The following HNRNPC variants were observed in gnomAD, a reference collection of about 807,000 sequenced individuals.
HNRNPC encodes heterogeneous nuclear ribonucleoproteins C1/C2.
In HNRNPC, 3 loss-of-function variants were observed where a neutral mutation model predicts 33.2. The ratio of observed to expected loss-of-function variants is 0.09; its 90% CI spans 0.04 to 0.23. HNRNPC has a LOEUF of 0.23. Ranked by LOEUF, HNRNPC falls within the 10% of genes least tolerant of loss-of-function variation. HNRNPC has a pLI of 1.00. For missense variants in HNRNPC, 143 were observed against 366.7 expected, an observed-to-expected ratio of 0.39 and a Z score of 4.98; for synonymous variants, 121 against 126.7, an observed-to-expected ratio of 0.96 and a Z score of 0.30.
chr14:21,267,353 T>C (rs754615221), intron 1 of HNRNPC, among the ~76,000 whole-genome samples: 4 of 152,192 alleles, frequency 2.6e-5, no homozygotes, highest in Non-Finnish European at 5.9e-5. Flanking sequence ...ATTTGCCCCT[T>C]AGTCTTTAAA....
chr14:21,236,707 A>C (rs1037533352), intron 2 of HNRNPC, among the ~76,000 whole-genome samples: 7 of 152,216 alleles, frequency 4.6e-5, no homozygotes, highest in Non-Finnish European at 7.3e-5. Context: ...ATTTTAAAGT[A>C]TCATACAGGT....
At chr14:21,249,510 C>G (rs1403481898) in intron 2 of HNRNPC, among the ~76,000 whole-genome samples, 2 of 147,012 alleles carry the variant, frequency 1.4e-5, no homozygotes, top group African/African-American at 5.1e-5. Flanking sequence ...TTGCTTGAAC[C>G]GGGAAGCAGA....
intron 1 of HNRNPC, among the ~76,000 whole-genome samples, chr14:21,266,292 G>A (rs540834348): frequency 7.9e-4 from 120 of 152,036 alleles, no homozygotes; most frequent in African/African-American, 2.7e-3. Flanking sequence ...TAGAGATGGG[G>A]GTTTCACCAT....
At chr14:21,228,723 C>G (rs965005952) in intron 5 of HNRNPC, among the ~76,000 whole-genome samples, 2 of 151,372 alleles carry the variant, frequency 1.3e-5, no homozygotes, top group African/African-American at 4.9e-5. Context: ...TCAAAAATTT[C>G]AACAAAAATA....
intron 2 of HNRNPC, 117 bp from the exon 3 acceptor site, chr14:21,234,346 A>T: frequency 1.2e-6 from 1 of 813,868 alleles, no homozygotes. Flanking sequence ...TAGGCAACTT[A>T]AAGGGACTCA....
intron 2 of HNRNPC, among the ~76,000 whole-genome samples, chr14:21,239,998 T>A (rs1435986562): frequency 1.3e-5 from 2 of 152,238 alleles, no homozygotes. Flanking sequence ...TATTCCTGTT[T>A]TTAATCAAAG....
At position 21,234,233 on chromosome 14, in the gene HNRNPC, T is replaced by C; in HGVS notation, c.-36-4A>G. 2 of 1,538,594 alleles carry C rather than the reference T, an allele frequency of 1.3e-6. No homozygotes were observed. Among genetic ancestry groups the C allele is most frequent in the Non-Finnish European group, 1.8e-6 (2 of 1,124,980 alleles). Reference sequence around the variant, plus strand: ...AGGTTTCTCACAAAGCCGAAAACTGTAAAGCAAAAAAAAGTATACAGGTGA... The same window carrying C: ...AGGTTTCTCACAAAGCCGAAAACTGCAAAGCAAAAAAAAGTATACAGGTGA... On this transcript the variant is annotated splice_region_variant and splice_polypyrimidine_tract_variant and intron_variant, in intron 2 of 8. Transcript: ENST00000553300.
intron 2 of HNRNPC, among the ~76,000 whole-genome samples, chr14:21,244,282 G>T (rs1594281997): frequency 6.6e-6 from 1 of 152,208 alleles, no homozygotes; most frequent in Admixed American, 6.5e-5. Context: ...TTATAGGCGT[G>T]AGCCCCCACG....
intron 2 of HNRNPC, among the ~76,000 whole-genome samples, chr14:21,244,541 T>G (rs1895734011): frequency 6.6e-6 from 1 of 152,226 alleles, no homozygotes; most frequent in African/African-American, 2.4e-5. Flanking sequence ...CACAATCTAA[T>G]GATATACGAT....
In HNRNPC at chr14:21,219,364, A is replaced by G. The variant is rs546971708; in HGVS notation, c.366-6247T>C. On this transcript the variant is annotated intron_variant, in intron 5 of 8. Transcript: ENST00000553300. ...ATCTGATGTAGGAATTATACACCAA[A>G]AGGGTGAATTTTATTGTGTGTTTTC... is the stretch of plus-strand genomic sequence containing the variant. Among the ~76,000 whole-genome samples, 5 of 152,284 alleles carry G rather than the reference A, an allele frequency of 3.3e-5. No homozygotes were observed. In the East Asian group the frequency reaches 9.6e-4, roughly 29 times the overall value.
intron 5 of HNRNPC, among the ~76,000 whole-genome samples, chr14:21,216,257 A>G (rs977336196): frequency 6.6e-6 from 1 of 152,204 alleles, no homozygotes. Flanking sequence ...CATTAGCTGC[A>G]AACAGTGACA....
intron 6 of HNRNPC, among the ~76,000 whole-genome samples, chr14:21,212,693 C>G (rs375325184): frequency 6.6e-6 from 1 of 152,134 alleles, no homozygotes; most frequent in Non-Finnish European, 1.5e-5. Context: ...CATGCACGCA[C>G]CACCATCCCC....
At chr14:21,243,016 T>C (rs572620046) in intron 2 of HNRNPC, among the ~76,000 whole-genome samples, 2 of 152,050 alleles carry the variant, frequency 1.3e-5, no homozygotes, top group African/African-American at 2.4e-5. Context: ...TCCCAGCTAC[T>C]TGGGAGGCTG....
intron 2 of HNRNPC, among the ~76,000 whole-genome samples, chr14:21,256,903 C>A (rs1030562919): frequency 2.0e-5 from 3 of 152,162 alleles, no homozygotes; most frequent in African/African-American, 7.2e-5. Flanking sequence ...ATGCGCCTCC[C>A]TCAGCCTCCC....
At chr14:21,214,748 A>G (rs1219197196) in intron 5 of HNRNPC, among the ~76,000 whole-genome samples, 2 of 152,216 alleles carry the variant, frequency 1.3e-5, no homozygotes, top group African/African-American at 2.4e-5. Flanking sequence ...AAAATCTTGC[A>G]AAGTATAATG....
At chr14:21,265,105 A>C (rs1273718532) in intron 1 of HNRNPC, 2 of 152,236 alleles carry the variant, frequency 1.3e-5, no homozygotes, top group Non-Finnish European at 2.9e-5. Context: ...ATACATTTTT[A>C]AAAAGAACAG....
intron 5 of HNRNPC, among the ~76,000 whole-genome samples, chr14:21,223,055 A>C (rs1352703998): frequency 1.3e-5 from 2 of 151,940 alleles, no homozygotes; most frequent in Non-Finnish European, 2.9e-5. Context: ...ACACACAAAA[A>C]AAGAGCCCGG....
At chr14:21,260,105 C>T (rs1482446847) in intron 2 of HNRNPC, among the ~76,000 whole-genome samples, 1 of 144,174 alleles carries the variant, frequency 6.9e-6, no homozygotes, top group South Asian at 2.2e-4. Flanking sequence ...GAGGCTGAGG[C>T]AGGAGAATGG....
At chr14:21,218,829 T>A (rs912724784) in intron 5 of HNRNPC, among the ~76,000 whole-genome samples, 2 of 146,410 alleles carry the variant, frequency 1.4e-5, no homozygotes, top group African/African-American at 2.5e-5. Flanking sequence ...GAAAAAAAAA[T>A]TGCTGGGAGC....
Sources: gnomAD v4.1 joint callset for allele counts (sites outside exome capture counted in the v4.1 genomes callset) on GRCh38, gnomAD v4.1.1 for gene constraint, MANE v1.5 for transcripts, NCBI Gene and HGNC (gene_info 2026-07-23, HGNC 2026-07-21) for gene names.